Variants in HPSE2 observed in about 807,000 individuals in gnomAD.
HPSE2 encodes heparanase 2 (inactive), also known as inactive heparanase-2.
HPSE2 carries 38 observed loss-of-function variants against 60.5 expected under a neutral mutation model. The ratio of observed to expected loss-of-function variants is 0.63; its 90% CI spans 0.48 to 0.82. HPSE2 has a LOEUF of 0.82. Among genes scored for constraint, HPSE2 ranks in the 40% least tolerant of loss-of-function variants. The pLI, the probability that HPSE2 is intolerant of heterozygous loss-of-function variation, is 0.00. For missense variants in HPSE2, 713 were observed against 740.4 expected (o/e 0.96, Z 0.43); for synonymous variants, 295 against 293.2 (o/e 1.01, Z -0.06).
At chr10:99,299,250 C>T in the HPSE2 span, among the ~76,000 whole-genome samples, 134 of 152,300 alleles carry the variant, frequency 8.8e-4, no homozygotes, top group Non-Finnish European at 1.7e-3. Context: ...CCCTATTCCC[C>T]ATTGCCTGAG....
intron 3 of HPSE2, among the ~76,000 whole-genome samples, chr10:98,790,620 A>G (rs1275655863): frequency 6.6e-6 from 1 of 152,208 alleles, no homozygotes; most frequent in Non-Finnish European, 1.5e-5. Flanking sequence ...CAAAATCGCT[A>G]AAAGAATAGA....
intron 3 of HPSE2, among the ~76,000 whole-genome samples, chr10:98,956,092 G>A (rs1029469983): frequency 6.6e-6 from 1 of 152,010 alleles, no homozygotes; most frequent in Non-Finnish European, 1.5e-5. Context: ...TCCTGCACAT[G>A]TATCCCAGAA....
At chr10:98,820,363 G>A (rs953294501) in intron 3 of HPSE2, among the ~76,000 whole-genome samples, 4 of 152,132 alleles carry the variant, frequency 2.6e-5, no homozygotes. Context: ...TGGGATACAT[G>A]ATATAAAACC....
intron 3 of HPSE2, among the ~76,000 whole-genome samples, chr10:99,097,387 A>C (rs1843754724): frequency 6.6e-6 from 1 of 152,216 alleles, no homozygotes; most frequent in South Asian, 2.1e-4. Flanking sequence ...GATCATTTGA[A>C]TAATATTAAA....
chr10:98,892,234 CTA>C (rs35591701), intron 3 of HPSE2, among the ~76,000 whole-genome samples: 2,900 of 152,178 alleles, frequency 0.019, 102 homozygotes, highest in East Asian at 0.15. Context: ...AAAATTTACA[CTA>C]TATGTTATAA....
rs1236387358 is a variant in HPSE2 at position 98,941,921 on chromosome 10, T to C, written c.611-197865A>G. On this transcript the variant is annotated intron_variant, in intron 3 of 11. Coordinates refer to ENST00000370552, the MANE Select transcript of HPSE2 (RefSeq NM_021828.5). ...AACAGAACAGAGCCCTCAGAAATAA[T>C]GCCACATATCTACAGCTATCTGATC... Among the ~76,000 whole-genome samples the C allele has an allele frequency of 1.3e-4, 19 of 141,770 alleles. No homozygotes were observed. In the South Asian group the frequency reaches 3.0e-3, roughly 22 times the overall value. The allele number at this position is 141,770 out of a possible 152,430, so 93.0% of individuals were successfully genotyped here. A position where few individuals can be genotyped will look rare whatever the true frequency, so the allele number is the denominator to read the frequency against.
At chr10:98,805,678 A>G (rs1753420135) in intron 3 of HPSE2, among the ~76,000 whole-genome samples, 1 of 152,166 alleles carries the variant, frequency 6.6e-6, no homozygotes, top group South Asian at 2.1e-4. Flanking sequence ...ATAAATTTAT[A>G]TAGTTAAATA....
At chr10:99,079,112 G>A (rs1424222737) in intron 3 of HPSE2, among the ~76,000 whole-genome samples, 3 of 152,134 alleles carry the variant, frequency 2.0e-5, no homozygotes, top group Non-Finnish European at 4.4e-5. Flanking sequence ...ATGAGAGTGT[G>A]CTAGTTCAAA....
chr10:99,252,478 A>C, the HPSE2 span, among the ~76,000 whole-genome samples: 1 of 152,236 alleles, frequency 6.6e-6, no homozygotes, highest in African/African-American at 2.4e-5. Context: ...GCAATGTTTC[A>C]GGATACAAAA....
intron 3 of HPSE2, among the ~76,000 whole-genome samples, chr10:98,960,744 T>A (rs1172398526): frequency 3.0e-5 from 4 of 133,374 alleles, no homozygotes; most frequent in African/African-American, 5.8e-5. Context: ...TATTTTATTT[T>A]TTTTTTTATT....
chr10:98,584,293 C>A (rs1286071033), intron 9 of HPSE2, among the ~76,000 whole-genome samples: 4 of 152,146 alleles, frequency 2.6e-5, no homozygotes, highest in African/African-American at 9.7e-5. Flanking sequence ...AAAAAGCCTT[C>A]ACTGGACTGA....
At chr10:98,472,059 T>A (rs1002137907) in intron 11 of HPSE2, among the ~76,000 whole-genome samples, 1 of 152,142 alleles carries the variant, frequency 6.6e-6, no homozygotes, top group African/African-American at 2.4e-5. Flanking sequence ...GCTAAAAGAA[T>A]CCAAACTCCT....
intron 3 of HPSE2, among the ~76,000 whole-genome samples, chr10:99,032,075 C>A (rs906762418): frequency 1.3e-5 from 2 of 152,126 alleles, no homozygotes; most frequent in Admixed American, 6.6e-5. Context: ...AATATAAGCA[C>A]AATAATCTCA....
At chr10:98,658,875 G>A (rs1487270824) in intron 6 of HPSE2, among the ~76,000 whole-genome samples, 2 of 149,472 alleles carry the variant, frequency 1.3e-5, no homozygotes, top group Non-Finnish European at 3.0e-5. Flanking sequence ...ACATCGTTGT[G>A]GTTTCTTTTG....
At chr10:98,537,138 G>A (rs900837486) in intron 9 of HPSE2, among the ~76,000 whole-genome samples, 1 of 152,228 alleles carries the variant, frequency 6.6e-6, no homozygotes, top group African/African-American at 2.4e-5. Context: ...TTCTAACTCA[G>A]GCAATTGTGT....
chr10:98,666,949 C>G (rs572810676), intron 6 of HPSE2, among the ~76,000 whole-genome samples: 2 of 151,366 alleles, frequency 1.3e-5, no homozygotes, highest in African/African-American at 4.8e-5. Flanking sequence ...AACTGAGACC[C>G]AAAAGTCCAT....
intron 3 of HPSE2, among the ~76,000 whole-genome samples, chr10:98,949,235 C>T (rs1057228077): frequency 1.6e-4 from 20 of 123,620 alleles, no homozygotes; most frequent in Non-Finnish European, 3.0e-4. Flanking sequence ...AACACGCACA[C>T]GCACACGCAT....
intron 6 of HPSE2, among the ~76,000 whole-genome samples, chr10:98,659,632 C>T (rs1947170993): frequency 6.6e-6 from 1 of 152,132 alleles, no homozygotes; most frequent in Non-Finnish European, 1.5e-5. Context: ...TATTCATGAA[C>T]ATATATTTGT....
In HPSE2 at chr10:98,938,461, A is replaced by G. The variant is rs1220170040; in HGVS notation, c.611-194405T>C. ...AAGAATGCAGAAGCCTCAGGAGCCA[A>G]TGTGATCAACTGGAAGAAAGGTTAT... is the stretch of plus-strand genomic sequence containing the variant. On this transcript the variant is annotated intron_variant, in intron 3 of 11. Coordinates refer to ENST00000370552, the MANE Select transcript of HPSE2 (RefSeq NM_021828.5). Among the ~76,000 whole-genome samples the G allele has an allele frequency of 8.3e-5, 12 of 144,106 alleles. 2 individuals carry two copies. Among genetic ancestry groups the G allele is most frequent in the African/African-American group, 3.4e-4 (12 of 35,354 alleles). The allele number at this position is 144,106 out of a possible 152,430, so 94.5% of individuals were successfully genotyped here.
Sources: gnomAD v4.1 joint callset for allele counts (sites outside exome capture counted in the v4.1 genomes callset) on GRCh38, gnomAD v4.1.1 for gene constraint, MANE v1.5 for transcripts, NCBI Gene and HGNC (gene_info 2026-07-23, HGNC 2026-07-21) for gene names.